The following SAMD8 variants were observed in gnomAD, a reference collection of about 807,000 sequenced individuals.
SAMD8 encodes sterile alpha motif domain containing 8.
SAMD8 carries 20 observed loss-of-function variants against 42.0 expected under a neutral mutation model. The ratio of observed to expected loss-of-function variants is 0.48; its 90% CI spans 0.34 to 0.69. The LOEUF is 0.69. SAMD8 is among the 30% of genes least tolerant of loss of function. The pLI, the probability that SAMD8 is intolerant of heterozygous loss-of-function variation, is 0.01. For missense variants in SAMD8, 328 were observed against 511.6 expected (o/e 0.64, Z 3.46); for synonymous variants, 162 against 173.0 (o/e 0.94, Z 0.50).
upstream of SAMD8, among the ~76,000 whole-genome samples, chr10:75,111,178 G>C (rs1325958595): frequency 6.6e-6 from 1 of 152,162 alleles, no homozygotes; most frequent in Middle Eastern, 3.2e-3. Context: ...AGAGTAAATG[G>C]GCAATAAATT....
intron 1 of SAMD8, chr10:75,105,809 A>G: frequency 1.3e-6 from 2 of 1,551,036 alleles, no homozygotes; most frequent in Non-Finnish European, 1.7e-6. Context: ...AGCATGAGGT[A>G]GGCCAGGACC....
At chr10:75,143,560 T>G (rs945781601) in intron 1 of SAMD8, among the ~76,000 whole-genome samples, 1 of 152,092 alleles carries the variant, frequency 6.6e-6, no homozygotes. Flanking sequence ...GGTTGTTGTT[T>G]TTTTTTTCTT....
At chr10:75,117,953 T>G (rs1306888919) in intron 1 of SAMD8, among the ~76,000 whole-genome samples, 1 of 152,166 alleles carries the variant, frequency 6.6e-6, no homozygotes, top group African/African-American at 2.4e-5. Flanking sequence ...TCTTACTCAT[T>G]GAGGGGAGAC....
intron 1 of SAMD8, among the ~76,000 whole-genome samples, chr10:75,123,162 TCACCC>T (rs60218062): frequency 0.15 from 15,239 of 99,076 alleles, 1,487 homozygotes; most frequent in African/African-American, 0.28. Context: ...CCACCCCACC[TCACCC>T]CACCCCACCC....
chr10:75,105,615 G>C (rs1274264591), intron 1 of SAMD8: 1 of 1,512,138 alleles, frequency 6.6e-7, no homozygotes, highest in African/African-American at 1.4e-5. Flanking sequence ...CCCTCACCTG[G>C]CCTCTTCCGG....
intron 3 of SAMD8, among the ~76,000 whole-genome samples, chr10:75,166,398 A>T (rs988733248): frequency 2.3e-5 from 2 of 87,490 alleles, no homozygotes; most frequent in Non-Finnish European, 4.3e-5. Flanking sequence ...GAGATTGCTT[A>T]AAAAAAAAAA....
intron 1 of SAMD8, among the ~76,000 whole-genome samples, chr10:75,120,309 T>C (rs1038047769): frequency 1.5e-4 from 23 of 152,194 alleles, no homozygotes; most frequent in Admixed American, 1.2e-3. Context: ...TCTCGCTCTA[T>C]TGCCCAGGCT....
intron 1 of SAMD8, among the ~76,000 whole-genome samples, chr10:75,131,916 A>G (rs932398209): frequency 6.6e-6 from 1 of 152,232 alleles, no homozygotes; most frequent in Non-Finnish European, 1.5e-5. Flanking sequence ...AAATGCAGAT[A>G]TAAAATTTCT....
At chr10:75,109,818 T>TTTTTGTTTTGTTTTGTTTG (rs59615618), upstream of SAMD8, among the ~76,000 whole-genome samples, 101 of 150,200 alleles carry the variant, frequency 6.7e-4, no homozygotes, top group East Asian at 0.019. Context: ...AAGGTGTTTT[T>TTTTTGTTTTGTTTTGTTTG]TTTTGTTTTG....
rs1834918330 is a variant in SAMD8 at position 75,148,911 on chromosome 10, A to G, written c.-15-1603A>G. ...ATAGAGAAAAGTATAGATCACAATT[A>G]TACAGCTTGATGAATTTTCACAAAA... On this transcript the variant is annotated intron_variant, in intron 1 of 5. Coordinates refer to ENST00000542569, the MANE Select transcript of SAMD8 (RefSeq NM_001174156.2). Among the ~76,000 whole-genome samples the G allele has an allele frequency of 2.0e-5, 3 of 152,194 alleles. No homozygotes were observed. In the South Asian group the frequency reaches 6.2e-4, roughly 31 times the overall value.
intron 2 of SAMD8, among the ~76,000 whole-genome samples, chr10:75,153,013 G>A (rs1840326847): frequency 6.6e-6 from 1 of 151,948 alleles, no homozygotes; most frequent in African/African-American, 2.4e-5. Context: ...ATGGAGTCTT[G>A]CTCTGTCACC....
At position 75,164,674 on chromosome 10, in the gene SAMD8, T is replaced by C; in HGVS notation, c.608T>C (p.Met203Thr). 6.2e-7 allele frequency: 1 copy of C among 1,614,190 alleles called. No homozygotes were observed. The highest frequency in any genetic ancestry group is 1.7e-5 in the Admixed American group (1 of 60,022). ...SVPRIPWAFA[M>T]TEVCGMILCY... ...CCTAGAATCCCATGGGCCTTTGCCATGACGGAAGTATGTGGCATGATTCTG... is the reference window on the plus strand; with the variant it reads ...CCTAGAATCCCATGGGCCTTTGCCACGACGGAAGTATGTGGCATGATTCTG... The change falls in exon 3 of 6, where the codon ATG becomes ACG. Residue 203 changes from methionine (M) to threonine (T), a missense_variant. This residue lies in a region of SAMD8 where 178 missense variants were observed against 325.6 expected (regional missense o/e 0.55). Coordinates refer to ENST00000542569, the MANE Select transcript of SAMD8 (RefSeq NM_001174156.2).
At chr10:75,164,866 TA>T (rs1840638780) in intron 3 of SAMD8, 126 bp downstream of exon 3, 2 of 700,204 alleles carry the variant, frequency 2.9e-6, no homozygotes, top group South Asian at 3.5e-5. Context: ...ACATAGTTAT[TA>T]ACAAAGGATT....
At chr10:75,102,330 C>A (rs1455073257) in intron 1 of SAMD8, among the ~76,000 whole-genome samples, 3 of 152,152 alleles carry the variant, frequency 2.0e-5, no homozygotes, top group Admixed American at 2.0e-4. Context: ...GTAGTCCCAG[C>A]TACTCAGGAG....
At chr10:75,120,804 G>A (rs1364712298) in intron 1 of SAMD8, among the ~76,000 whole-genome samples, 2 of 101,626 alleles carry the variant, frequency 2.0e-5, no homozygotes, top group Non-Finnish European at 3.6e-5. Context: ...TTTTTGAGAC[G>A]AAATCTCACT....
intron 1 of SAMD8, among the ~76,000 whole-genome samples, chr10:75,125,486 C>T (rs1849110043): frequency 6.6e-6 from 1 of 152,098 alleles, no homozygotes; most frequent in South Asian, 2.1e-4. Context: ...CGTTGTGGTG[C>T]ACACCTGTGG....
intron 2 of SAMD8, among the ~76,000 whole-genome samples, chr10:75,155,158 C>G (rs1216012191): frequency 1.3e-5 from 2 of 152,152 alleles, no homozygotes; most frequent in Non-Finnish European, 2.9e-5. Context: ...TCCCAAAGCA[C>G]TGGGATTGTA....
chr10:75,160,992 C>T (rs1394994050), intron 2 of SAMD8, among the ~76,000 whole-genome samples: 1 of 152,054 alleles, frequency 6.6e-6, no homozygotes, highest in Non-Finnish European at 1.5e-5. Flanking sequence ...GGCTTGATCC[C>T]AGGAGGTGGA....
upstream of SAMD8, chr10:75,111,565 G>A (rs918459477): frequency 3.0e-5 from 37 of 1,248,090 alleles, no homozygotes; most frequent in Admixed American, 2.1e-4. Context: ...GCGCGCAGTC[G>A]CCACCGCCCC....
Sources: gnomAD v4.1 joint callset for allele counts (sites outside exome capture counted in the v4.1 genomes callset) on GRCh38, gnomAD v4.1.1 for gene constraint, gnomAD v4.1.1 regional missense constraint, MANE v1.5 for transcripts, NCBI Gene and HGNC (gene_info 2026-07-23, HGNC 2026-07-21) for gene names.